FSTL5: variants seen among roughly 807,000 people sequenced by gnomAD.
FSTL5 encodes follistatin like 5, also known as follistatin-related protein 5.
Under a neutral mutation model 89.1 loss-of-function variants are expected in FSTL5, and 62 were observed. The ratio of observed to expected loss-of-function variants is 0.70; its 90% CI spans 0.57 to 0.86. The LOEUF (loss-of-function observed/expected upper bound fraction) is 0.86. Among genes scored for constraint, FSTL5 ranks in the 40% least tolerant of loss-of-function variants. FSTL5 has a pLI of 0.00. For synonymous variants in FSTL5, 383 were observed against 346.2 expected, an observed-to-expected ratio of 1.11 and a Z score of -1.18; for missense variants, 1,057 against 1,001.6, an observed-to-expected ratio of 1.06 and a Z score of -0.75.
At chr4:161,465,435 C>T (rs1733718098) in intron 13 of FSTL5, among the ~76,000 whole-genome samples, 1 of 152,036 alleles carries the variant, frequency 6.6e-6, no homozygotes, top group Admixed American at 6.6e-5. Context: ...CTATATAATG[C>T]TCATTTATTG....
At chr4:162,056,520 G>A (rs766065181) in intron 2 of FSTL5, among the ~76,000 whole-genome samples, 29 of 151,906 alleles carry the variant, frequency 1.9e-4, no homozygotes, top group Non-Finnish European at 3.4e-4. Context: ...TGATGTATGC[G>A]GTATATTTGT....
intron 1 of FSTL5, among the ~76,000 whole-genome samples, chr4:162,135,418 T>C (rs1264315854): frequency 1.3e-5 from 2 of 152,146 alleles, no homozygotes; most frequent in Non-Finnish European, 2.9e-5. Flanking sequence ...AAAACTATAA[T>C]AACTTGCAAT....
chr4:161,489,161 A>T (rs546702900), intron 12 of FSTL5, among the ~76,000 whole-genome samples: 1 of 152,174 alleles, frequency 6.6e-6, no homozygotes, highest in South Asian at 2.1e-4. Context: ...CTTACAGAAC[A>T]TAAAAACCAA....
At chr4:161,397,322 G>A (rs866584611) in intron 15 of FSTL5, among the ~76,000 whole-genome samples, 69 of 151,694 alleles carry the variant, frequency 4.5e-4, no homozygotes, top group African/African-American at 1.6e-3. Context: ...ACAATGTAGT[G>A]GTGTTTTAAC....
chr4:161,841,357 A>G (rs1420839189), intron 4 of FSTL5, among the ~76,000 whole-genome samples: 1 of 152,224 alleles, frequency 6.6e-6, no homozygotes, highest in African/African-American at 2.4e-5. Context: ...TTGAAAATAC[A>G]TATTTGTAGA....
chr4:162,128,475 G>A (rs1732169520), intron 1 of FSTL5, among the ~76,000 whole-genome samples: 2 of 152,272 alleles, frequency 1.3e-5, no homozygotes, highest in African/African-American at 2.4e-5. Flanking sequence ...CTTCCACCAT[G>A]TGAGTACATA....
chr4:161,628,679 T>G (rs2126653297), intron 7 of FSTL5, among the ~76,000 whole-genome samples: 1 of 152,310 alleles, frequency 6.6e-6, no homozygotes, highest in African/African-American at 2.4e-5. Flanking sequence ...TTACAATGCA[T>G]CTCAATCTGA....
intron 7 of FSTL5, among the ~76,000 whole-genome samples, chr4:161,602,986 G>A (rs1219923507): frequency 6.6e-6 from 1 of 152,020 alleles, no homozygotes; most frequent in African/African-American, 2.4e-5. Context: ...TCACTTTTTG[G>A]TATATTTATA....
In FSTL5 at chr4:161,672,751, T is replaced by C. The variant is rs1368149714; in HGVS notation, c.728-16257A>G. 4.1e-5 allele frequency among the ~76,000 whole-genome samples: 6 copies of C among 144,864 alleles called. No homozygotes were observed. In the East Asian group the frequency reaches 1.2e-3, roughly 28 times the overall value. On this transcript the variant is annotated intron_variant, in intron 6 of 15. Coordinates refer to ENST00000306100, the MANE Select transcript of FSTL5 (RefSeq NM_020116.5). ...ATCTAAAAAAAAAAAGTAAGGTGTT[T>C]ATTGATTTTAAGTAATTTTTTAAAT...
chr4:161,783,096 T>C (rs1553965542), intron 4 of FSTL5, among the ~76,000 whole-genome samples: 1 of 152,132 alleles, frequency 6.6e-6, no homozygotes, highest in Non-Finnish European at 1.5e-5. Context: ...CAAAGCACGA[T>C]ACAATGGTGA....
chr4:161,759,757 C>T (rs554931665), intron 5 of FSTL5, among the ~76,000 whole-genome samples: 27 of 152,224 alleles, frequency 1.8e-4, no homozygotes, highest in Admixed American at 3.9e-4. Context: ...TTCGTTCAAA[C>T]GTTCTAATAT....
At chr4:162,112,757 C>T (rs1032914029) in intron 1 of FSTL5, among the ~76,000 whole-genome samples, 4 of 142,982 alleles carry the variant, frequency 2.8e-5, no homozygotes, top group Non-Finnish European at 4.5e-5. Context: ...TTAGCTTTCT[C>T]AAAGCTAACC....
chr4:161,487,774 TAATAA>T (rs1729730483), intron 12 of FSTL5, among the ~76,000 whole-genome samples: 1 of 152,062 alleles, frequency 6.6e-6, no homozygotes, highest in Admixed American at 6.6e-5. Flanking sequence ...TAAAAGTGAA[TAATAA>T]AATACTTGGA....
intron 4 of FSTL5, among the ~76,000 whole-genome samples, chr4:161,806,342 T>A (rs1163651968): frequency 6.6e-6 from 1 of 151,978 alleles, no homozygotes; most frequent in Non-Finnish European, 1.5e-5. Context: ...TATGTTGGAG[T>A]GTGTCCATTT....
chr4:161,810,900 G>A (rs114642541), intron 4 of FSTL5, among the ~76,000 whole-genome samples: 241 of 150,832 alleles, frequency 1.6e-3, no homozygotes, highest in Non-Finnish European at 2.9e-3. Context: ...AAACAAATGA[G>A]TAACACCACC....
intron 8 of FSTL5, among the ~76,000 whole-genome samples, chr4:161,579,895 A>G (rs1168345203): frequency 6.6e-6 from 1 of 152,128 alleles, no homozygotes; most frequent in Non-Finnish European, 1.5e-5. Context: ...TGACCATAAT[A>G]AAGAATCAGG....
At chr4:161,447,729 T>C (rs762875040) in intron 15 of FSTL5, among the ~76,000 whole-genome samples, 1 of 152,142 alleles carries the variant, frequency 6.6e-6, no homozygotes, top group Non-Finnish European at 1.5e-5. Flanking sequence ...TTGACAGTTA[T>C]AGTGTGTTTA....
intron 3 of FSTL5, among the ~76,000 whole-genome samples, chr4:162,012,063 T>C (rs996606925): frequency 1.1e-4 from 17 of 152,206 alleles, no homozygotes; most frequent in South Asian, 4.1e-4. Flanking sequence ...CTTGCCTTGA[T>C]GTTCAGTAAG....
intron 1 of FSTL5, among the ~76,000 whole-genome samples, chr4:162,112,052 A>C (rs578017626): frequency 2.6e-4 from 39 of 152,206 alleles, no homozygotes; most frequent in Non-Finnish European, 5.4e-4. Flanking sequence ...TTTTGGATAT[A>C]AATAAGTTGT....
Sources: gnomAD v4.1 joint callset for allele counts (sites outside exome capture counted in the v4.1 genomes callset) on GRCh38, gnomAD v4.1.1 for gene constraint, MANE v1.5 for transcripts, NCBI Gene and HGNC (gene_info 2026-07-23, HGNC 2026-07-21) for gene names.